The following TAF13 variants were observed in gnomAD, a reference collection of about 807,000 sequenced individuals.
TAF13 encodes the protein TATA-box binding protein associated factor 13, also known as transcription initiation factor TFIID subunit 13.
A neutral mutation model predicts 18.7 loss-of-function variants in TAF13; 9 were observed. That is an observed-to-expected ratio of 0.48 (90% CI 0.29 to 0.84). TAF13 has a LOEUF of 0.84. TAF13 is among the 40% of genes least tolerant of loss of function. The pLI is 0.08. For missense variants in TAF13, 105 were observed against 146.5 expected (o/e 0.72, Z 1.46); for synonymous variants, 49 against 44.1 (o/e 1.11, Z -0.44).
chr1:109,068,465 CT>C (rs1468001164), intron 2 of TAF13, among the ~76,000 whole-genome samples: 1 of 152,084 alleles, frequency 6.6e-6, no homozygotes, highest in Non-Finnish European at 1.5e-5. Flanking sequence ...AGACAGGGGT[CT>C]TGCTATGTTG....
intron 1 of TAF13, 135 bp from the exon 2 acceptor site, chr1:109,075,200 A>T (rs1664159972): frequency 1.4e-6 from 1 of 720,842 alleles, no homozygotes; most frequent in South Asian, 1.9e-5. Flanking sequence ...AAACCACGAA[A>T]CCTTAGCATT....
At chr1:109,071,683 G>C (rs536629659) in intron 2 of TAF13, among the ~76,000 whole-genome samples, 1 of 151,532 alleles carries the variant, frequency 6.6e-6, no homozygotes, top group African/African-American at 2.4e-5. Context: ...AGCTGGGCAC[G>C]GTGGTTCATG....
chr1:109,067,637 T>C lies in TAF13; in HGVS notation c.107-1405A>G, dbSNP rs547684466. The stretch of plus-strand genomic sequence containing the variant: ...AAATAATAATAATAATAAGAGAGAC[T>C]GTGTCTCAAAAATAATAAGAGAGAA... On this transcript the variant is annotated intron_variant, in intron 2 of 3. Coordinates refer to ENST00000338366, the MANE Select transcript of TAF13 (RefSeq NM_005645.4). Among the ~76,000 whole-genome samples, 22 of 152,114 alleles carry C rather than the reference T, an allele frequency of 1.4e-4. No individual in the cohort carries two copies. In the South Asian group the frequency reaches 4.6e-3, roughly 32 times the overall value.
intron 2 of TAF13, among the ~76,000 whole-genome samples, chr1:109,069,400 A>G (rs569806110): frequency 6.6e-6 from 1 of 152,362 alleles, no homozygotes; most frequent in South Asian, 2.1e-4. Flanking sequence ...AATACCTAAT[A>G]CAATGTAAAT....
chr1:109,073,426 G>A (rs1321637706), intron 2 of TAF13, among the ~76,000 whole-genome samples: 2 of 152,032 alleles, frequency 1.3e-5, no homozygotes, highest in East Asian at 1.9e-4. Flanking sequence ...TGCGTCTCCC[G>A]CTTTCCACCG....
chr1:109,070,693 C>A (rs1031571839), intron 2 of TAF13, among the ~76,000 whole-genome samples: 3 of 150,796 alleles, frequency 2.0e-5, no homozygotes, highest in Admixed American at 2.0e-4. Context: ...CGTACCCAGT[C>A]CCCCCCAAAT....
intron 2 of TAF13, among the ~76,000 whole-genome samples, chr1:109,068,830 C>G (rs1015314266): frequency 6.6e-6 from 1 of 152,044 alleles, no homozygotes; most frequent in Non-Finnish European, 1.5e-5. Context: ...GGTGAAACCC[C>G]GTCTCTACTA....
intron 2 of TAF13, among the ~76,000 whole-genome samples, chr1:109,067,195 C>G (rs1039172091): frequency 6.6e-6 from 1 of 152,124 alleles, no homozygotes; most frequent in African/African-American, 2.4e-5. Context: ...CAGTGGCCCA[C>G]GCCTGTAAAC....
chr1:109,072,647 G>A (rs890771538), intron 2 of TAF13, among the ~76,000 whole-genome samples: 2 of 151,848 alleles, frequency 1.3e-5, no homozygotes, highest in South Asian at 4.2e-4. Flanking sequence ...GTTTCACTAT[G>A]TTGCCCAGGC....
At chr1:109,065,875 C>G (rs1023703860) in intron 3 of TAF13, among the ~76,000 whole-genome samples, 34 of 149,692 alleles carry the variant, frequency 2.3e-4, no homozygotes, top group African/African-American at 7.6e-4. Context: ...GAGCCAAGAT[C>G]GTGCCATTGC....
At position 109,073,195 on chromosome 1, in the gene TAF13, GTA is replaced by G. The variant is rs1019919930; in HGVS notation, c.106+1790_106+1791del. On this transcript the variant is annotated intron_variant, in intron 2 of 3. Transcript: ENST00000338366. ...AAAGGCAAGAGGAAAACTAATGGAG[GTA>G]TGTTCTTCTGCCCTAAATTAAAACA... 5.4e-4 allele frequency among the ~76,000 whole-genome samples: 82 copies of G among 151,996 alleles called. 1 individual carries two copies. Among genetic ancestry groups the G allele is most frequent in the Admixed American group, 1.4e-3 (21 of 15,254 alleles).
intron 2 of TAF13, among the ~76,000 whole-genome samples, chr1:109,069,564 C>T (rs928473211): frequency 2.0e-5 from 3 of 151,466 alleles, no homozygotes; most frequent in African/African-American, 7.3e-5. Flanking sequence ...CATAGAGAGC[C>T]GACTGTATAG....
Position 109,064,477 on chromosome 1 carries a change from A to T in TAF13, c.*46T>A. On this transcript the variant is annotated 3_prime_UTR_variant, in exon 4 of 4. Coordinates refer to ENST00000338366, the MANE Select transcript of TAF13 (RefSeq NM_005645.4). ...TTACTTTAGAAAATATACAATTATT[A>T]TATATGGTTTCCCCAGATGGTAATT... The T allele has an allele frequency of 7.5e-7, 1 of 1,333,156 alleles. No homozygotes were observed. The highest frequency in any genetic ancestry group is 9.8e-7 in the Non-Finnish European group (1 of 1,020,786). The allele number at this position is 1,333,156 out of a possible 1,614,324, so 82.6% of individuals were successfully genotyped here. A position where few individuals can be genotyped will look rare whatever the true frequency, so the allele number is the denominator to read the frequency against.
At chr1:109,068,813 C>T (rs867795937) in intron 2 of TAF13, among the ~76,000 whole-genome samples, 6 of 152,230 alleles carry the variant, frequency 3.9e-5, no homozygotes, top group Middle Eastern at 3.4e-3. Flanking sequence ...ACCAGCCTGA[C>T]CAACATGGTG....
At position 109,064,678 on chromosome 1, in the gene TAF13, A is replaced by T. The variant is rs746011564; in HGVS notation, c.220T>A (p.Ser74Thr). 1 of 1,519,118 alleles carries T rather than the reference A, an allele frequency of 6.6e-7. No homozygotes were observed. The highest frequency in any genetic ancestry group is 2.2e-5 in the Admixed American group (1 of 45,840). The allele number at this position is 1,519,118 out of a possible 1,614,324, so 94.1% of individuals were successfully genotyped here. A position where few individuals can be genotyped will look rare whatever the true frequency, so the allele number is the denominator to read the frequency against. ...TGTACTCGACCTTGTCTTCCAATTG[A>T]CATTGCCTTGTGAGTCTATTACAAA... ...FITEMTHKAM[S>T]IGRQGRVQVE... Residue 74 changes from serine (S) to threonine (T), a missense_variant, in exon 4 of 4, where the codon TCA (serine) becomes ACA (threonine). Ser to Thr is a moderately conservative substitution (Grantham distance 58). Transcript: ENST00000338366.
chr1:109,068,859 G>A (rs1348322870), intron 2 of TAF13, among the ~76,000 whole-genome samples: 4 of 152,094 alleles, frequency 2.6e-5, no homozygotes, highest in South Asian at 2.1e-4. Context: ...AAAATTAGGG[G>A]GGCGTGGTGG....
intron 2 of TAF13, among the ~76,000 whole-genome samples, chr1:109,073,518 C>T (rs1298983386): frequency 1.3e-5 from 2 of 152,204 alleles, no homozygotes; most frequent in Admixed American, 6.5e-5. Flanking sequence ...AGGCGTGCGC[C>T]GCCACGCCTG....
At chr1:109,066,856 A>T (rs1663959410) in intron 2 of TAF13, among the ~76,000 whole-genome samples, 1 of 152,016 alleles carries the variant, frequency 6.6e-6, no homozygotes, top group African/African-American at 2.4e-5. Context: ...AGTAGCTGGG[A>T]CTACAGGCAC....
At chr1:109,069,196 TGTGTGA>T (rs1213748012) in intron 2 of TAF13, among the ~76,000 whole-genome samples, 1 of 94,942 alleles carries the variant, frequency 1.1e-5, no homozygotes, top group African/African-American at 3.4e-5. Context: ...TGATTACAAG[TGTGTGA>T]GTGTGTGTGT....
Sources: allele counts gnomAD v4.1 joint callset (sites outside exome capture counted in the v4.1 genomes callset), GRCh38; gene constraint gnomAD v4.1.1; transcripts MANE v1.5; gene names NCBI Gene and HGNC (gene_info 2026-07-23, HGNC 2026-07-21).